Variants in PEF1 observed in about 807,000 individuals in gnomAD.
The protein encoded by PEF1 is penta-EF-hand domain containing 1.
In PEF1, 17 loss-of-function variants were observed where a neutral mutation model predicts 32.0. The ratio of observed to expected loss-of-function variants is 0.53; its 90% confidence interval spans 0.36 to 0.80. PEF1 has a LOEUF of 0.80. PEF1 is among the 30% of genes least tolerant of loss of function. PEF1 has a pLI of 0.00. For missense variants in PEF1, 362 were observed against 369.1 expected (o/e 0.98, Z 0.16); for synonymous variants, 130 against 139.8 (o/e 0.93, Z 0.50).
intron 1 of PEF1, 25 bp downstream of exon 1, chr1:31,644,816 A>T (rs1280501811): frequency 6.2e-7 from 1 of 1,613,754 alleles, no homozygotes; most frequent in African/African-American, 1.3e-5. Context: ...CGCTACCTGG[A>T]TTCGCGGGCC....
chr1:31,644,348 G>A, intron 1 of PEF1: 1 of 989,318 alleles, frequency 1.0e-6, no homozygotes, highest in Non-Finnish European at 1.2e-6. Flanking sequence ...AAATGGCGGT[G>A]TTGAACTAAG....
intron 1 of PEF1, among the ~76,000 whole-genome samples, chr1:31,639,122 C>T (rs927820495): frequency 2.0e-5 from 3 of 152,212 alleles, no homozygotes; most frequent in African/African-American, 7.2e-5. Context: ...GATGCATAGA[C>T]ATTTTCCAAA....
At chr1:31,644,303 T>A in intron 1 of PEF1, 1 of 931,344 alleles carries the variant, frequency 1.1e-6, no homozygotes, top group Non-Finnish European at 1.3e-6. Flanking sequence ...TCAGGTAAGT[T>A]CTGTGTCTTC....
intron 1 of PEF1, among the ~76,000 whole-genome samples, chr1:31,636,471 G>T (rs527300242): frequency 6.6e-6 from 1 of 152,098 alleles, no homozygotes; most frequent in East Asian, 1.9e-4. Context: ...AGTAAGATCC[G>T]ATCTCAAAAC....
chr1:31,629,935 C>T lies in PEF1; in HGVS notation c.*678G>A, dbSNP rs893981895. ...TTTTGGCCCCAAATGAAAAAAAATGCAAATTAAAAAAAGTATTGGCAGGGA... is the reference window on the plus strand; with the variant it reads ...TTTTGGCCCCAAATGAAAAAAAATGTAAATTAAAAAAAGTATTGGCAGGGA... On this transcript the variant is annotated 3_prime_UTR_variant, in exon 5 of 5. Transcript: ENST00000373703. 1 of 152,092 alleles carries T rather than the reference C, an allele frequency of 6.6e-6. No individual in the cohort carries two copies. Among genetic ancestry groups the T allele is most frequent in the Non-Finnish European group, 1.5e-5 (1 of 68,044 alleles). The allele number at this position is 152,092 out of a possible 1,614,324, so 9.4% of individuals were successfully genotyped here. A position where few individuals can be genotyped will look rare whatever the true frequency, so the allele number is the denominator to read the frequency against.
At chr1:31,641,686 G>A (rs1376143276) in intron 1 of PEF1, among the ~76,000 whole-genome samples, 1 of 152,158 alleles carries the variant, frequency 6.6e-6, no homozygotes, top group African/African-American at 2.4e-5. Context: ...TGATTCAGTT[G>A]TTGGCTTAAA....
intron 1 of PEF1, among the ~76,000 whole-genome samples, chr1:31,643,167 G>A (rs768195041): frequency 6.6e-6 from 1 of 152,226 alleles, no homozygotes; most frequent in Non-Finnish European, 1.5e-5. Context: ...TCAAAAAAGT[G>A]ACCAGACATC....
chr1:31,633,707 G>A (rs1640178110), intron 2 of PEF1, among the ~76,000 whole-genome samples: 1 of 152,166 alleles, frequency 6.6e-6, no homozygotes, highest in Admixed American at 6.5e-5. Flanking sequence ...TGTAATCCCA[G>A]CACTTTGGGA....
At chr1:31,641,535 TC>T (rs1234299421) in intron 1 of PEF1, among the ~76,000 whole-genome samples, 1 of 152,096 alleles carries the variant, frequency 6.6e-6, no homozygotes, top group Non-Finnish European at 1.5e-5. Context: ...CCTACCCCTT[TC>T]CCCCACATCA....
At chr1:31,642,997 T>C (rs1180302298) in intron 1 of PEF1, among the ~76,000 whole-genome samples, 2 of 152,212 alleles carry the variant, frequency 1.3e-5, no homozygotes, top group Non-Finnish European at 2.9e-5. Flanking sequence ...CTAATGCTTA[T>C]TAGCATGTAG....
In PEF1 at chr1:31,635,812, T is replaced by C. The variant is rs567139699; in HGVS notation, c.25-290A>G. ...CCACAAGGGCTAGGATCCTGTCTGGTTTGTCACTTTATCCCCAGCTCCCAG... is the reference window on the plus strand; with the variant it reads ...CCACAAGGGCTAGGATCCTGTCTGGCTTGTCACTTTATCCCCAGCTCCCAG... On this transcript the variant is annotated intron_variant, in intron 1 of 4. Transcript: ENST00000373703. Among the ~76,000 whole-genome samples, 5 of 152,294 alleles carry C rather than the reference T, an allele frequency of 3.3e-5. No homozygotes were observed. The South Asian group carries it at 8.3e-4, about 25-fold the overall frequency.
chr1:31,644,842 T>C lies in PEF1; in HGVS notation c.23A>G (p.Gln8Arg), dbSNP rs773868133. 2 of 1,613,998 alleles carry C rather than the reference T, an allele frequency of 1.2e-6. No homozygotes were observed. Among genetic ancestry groups the C allele is most frequent in the Admixed American group, 3.3e-5 (2 of 60,016 alleles). MASYPYR[Q>R]GCPGAAGQAP... ...TTCGCGGGCCCCTCACACACTCACC[T>C]GCCGGTAAGGATAGCTGGCCATGGT... Residue 8 changes from glutamine to arginine, a missense_variant and splice_region_variant, in exon 1 of 5, where the codon CAG becomes CGG. Gln to Arg is a conservative substitution (Grantham distance 43, BLOSUM62 1). Coordinates refer to ENST00000373703, the MANE Select transcript of PEF1 (RefSeq NM_012392.4).
intron 1 of PEF1, among the ~76,000 whole-genome samples, chr1:31,643,731 A>G (rs942253015): frequency 5.3e-5 from 8 of 152,242 alleles, no homozygotes; most frequent in South Asian, 2.1e-4. Flanking sequence ...GCCTGTGACT[A>G]AACTCAGTTG....
intron 1 of PEF1, among the ~76,000 whole-genome samples, chr1:31,642,450 G>A (rs1381039205): frequency 2.6e-5 from 4 of 152,044 alleles, no homozygotes; most frequent in Non-Finnish European, 5.9e-5. Context: ...CCCAGTCCCT[G>A]CTTGGGTACC....
intron 1 of PEF1, among the ~76,000 whole-genome samples, chr1:31,641,961 G>C (rs1233538596): frequency 6.6e-6 from 1 of 152,250 alleles, no homozygotes; most frequent in Non-Finnish European, 1.5e-5. Flanking sequence ...TCCAGGCGTG[G>C]TGGCTCACGC....
chr1:31,642,551 C>A (rs931120599), intron 1 of PEF1, among the ~76,000 whole-genome samples: 1 of 152,166 alleles, frequency 6.6e-6, no homozygotes, highest in Non-Finnish European at 1.5e-5. Context: ...GGAGGGGAGG[C>A]AGCACTGACT....
At chr1:31,637,091 A>G (rs1456512122) in intron 1 of PEF1, among the ~76,000 whole-genome samples, 1 of 152,212 alleles carries the variant, frequency 6.6e-6, no homozygotes, top group Non-Finnish European at 1.5e-5. Flanking sequence ...TGTGTTTGAT[A>G]GCTTGAAATA....
intron 1 of PEF1, among the ~76,000 whole-genome samples, chr1:31,640,629 C>T (rs1285522117): frequency 6.6e-6 from 1 of 152,094 alleles, no homozygotes; most frequent in Non-Finnish European, 1.5e-5. Context: ...TTGGAAGACA[C>T]CCCAAAGACT....
chr1:31,633,449 C>CAG, intron 2 of PEF1, 135 bp from the exon 3 acceptor site: 1 of 967,338 alleles, frequency 1.0e-6, no homozygotes, highest in Non-Finnish European at 1.5e-6. Context: ...AGCTGACATT[C>CAG]TTACTCTGAT....
Sources: gnomAD v4.1 joint callset for allele counts (sites outside exome capture counted in the v4.1 genomes callset) on GRCh38, gnomAD v4.1.1 for gene constraint, MANE v1.5 for transcripts, NCBI Gene and HGNC (gene_info 2026-07-23, HGNC 2026-07-21) for gene names.